Variants in DCN observed in about 807,000 individuals in gnomAD.
The protein encoded by DCN is decorin, also known as bone proteoglycan II.
In DCN, 17 loss-of-function variants were observed where a neutral mutation model predicts 36.5. The ratio of observed to expected loss-of-function variants is 0.47; its 90% CI spans 0.32 to 0.70. The LOEUF is 0.70. DCN is among the 30% of genes least tolerant of loss of function. DCN has a pLI of 0.04. For synonymous variants in DCN, 163 were observed against 161.4 expected (o/e 1.01, Z -0.07); for missense variants, 389 against 430.1 (o/e 0.90, Z 0.84).
At chr12:91,151,550 AAAAAAAACTT>A in intron 7 of DCN, 94 bp downstream of exon 7, 1 of 1,368,686 alleles carries the variant, frequency 7.3e-7, no homozygotes, top group Non-Finnish European at 1.0e-6. Context: ...GACACTCTGG[AAAAAAAACTT>A]CTAAGAAGAG....
At chr12:91,178,304 C>T in intron 2 of DCN, 38 bp downstream of exon 2, 1 of 1,561,554 alleles carries the variant, frequency 6.4e-7, no homozygotes, top group Non-Finnish European at 8.8e-7. Flanking sequence ...AAGAATAAAA[C>T]AAGTAAGGTA....
intron 2 of DCN, among the ~76,000 whole-genome samples, chr12:91,174,130 A>G (rs3138179): frequency 0.17 from 25,870 of 152,096 alleles, 3,880 homozygotes; most frequent in African/African-American, 0.4. Flanking sequence ...ATAGCCAAAT[A>G]CTTCATTGTT....
intron 2 of DCN, chr12:91,177,680 A>G (rs1239388028): frequency 1.4e-5 from 10 of 699,602 alleles, no homozygotes; most frequent in Admixed American, 1.4e-4. Flanking sequence ...AGATATATGT[A>G]ACACAATTAT....
intron 3 of DCN, among the ~76,000 whole-genome samples, chr12:91,161,459 A>G (rs1191437190): frequency 6.6e-6 from 1 of 152,348 alleles, no homozygotes; most frequent in East Asian, 1.9e-4. Context: ...AAATTTAATA[A>G]TATTCATTTT....
At chr12:91,154,626 A>C (rs760006190) in intron 5 of DCN, among the ~76,000 whole-genome samples, 7 of 152,278 alleles carry the variant, frequency 4.6e-5, no homozygotes, top group Admixed American at 2.0e-4. Flanking sequence ...TGTAAAGTGC[A>C]TCATTAGCTT....
chr12:91,174,833 A>T (rs1883190468), intron 2 of DCN, among the ~76,000 whole-genome samples: 1 of 152,140 alleles, frequency 6.6e-6, no homozygotes, highest in Non-Finnish European at 1.5e-5. Context: ...TTTGGAGACT[A>T]GTCAAAAGAC....
intron 4 of DCN, among the ~76,000 whole-genome samples, chr12:91,157,519 A>G (rs3138245): frequency 0.017 from 2,596 of 152,272 alleles, 70 homozygotes; most frequent in African/African-American, 0.058. Context: ...TACAATTCCC[A>G]TCTTACGTTA....
intron 7 of DCN, 69 bp from the exon 8 acceptor site, chr12:91,146,321 T>A (rs1184276530): frequency 1.0e-5 from 9 of 861,706 alleles, no homozygotes; most frequent in Non-Finnish European, 1.6e-5. Flanking sequence ...GGTAAACATT[T>A]TATTTTTTTT....
At position 91,162,953 on chromosome 12, in the gene DCN, C is replaced by G. The variant is rs3138229; in HGVS notation, c.324+1652G>C. Among the ~76,000 whole-genome samples, 832 of 152,290 alleles carry G rather than the reference C, an allele frequency of 5.5e-3. 3 individuals carry two copies. Among genetic ancestry groups the G allele is most frequent in the African/African-American group, 0.019 (803 of 41,562 alleles). On this transcript the variant is annotated intron_variant, in intron 3 of 7. Coordinates refer to ENST00000052754, the MANE Select transcript of DCN (RefSeq NM_001920.5). Reference sequence around the variant, plus strand: ...CCAGATTCTTTATCTCCATGGTCATCCTTCTCTAGATGTTCTTGAATGCCT... The same window carrying G: ...CCAGATTCTTTATCTCCATGGTCATGCTTCTCTAGATGTTCTTGAATGCCT...
chr12:91,158,509 C>T lies in DCN; in HGVS notation c.325G>A (p.Ala109Thr). 2 of 1,493,216 alleles carry T rather than the reference C, an allele frequency of 1.3e-6. No homozygotes were observed. Among genetic ancestry groups the T allele is most frequent in the Non-Finnish European group, 1.9e-6 (2 of 1,069,948 alleles). The allele number at this position is 1,493,216 out of a possible 1,614,324, so 92.5% of individuals were successfully genotyped here. Residue 109 changes from alanine to threonine, a missense_variant and splice_region_variant, in exon 4 of 8, where the codon GCA becomes ACA. Transcript: ENST00000052754. ...ATTTTATTGTTGACAAGAATCAATG[C>T]CTGTAGATAGTGAAGAAAAACATCT... Reference protein sequence around the residue: ...GDFKNLKNLHALILVNNKISK... With the variant: ...GDFKNLKNLHTLILVNNKISK...
In DCN at chr12:91,142,235, G is replaced by A. The variant is rs1880776369; in HGVS notation, c.*3823C>T. On this transcript the variant is annotated 3_prime_UTR_variant, in exon 8 of 8. Coordinates refer to ENST00000052754, the MANE Select transcript of DCN (RefSeq NM_001920.5). ...GTCGACTCAGCAACCTCGAATGTCT[G>A]TGCTGCAGGAGAGTCTGAAGGACAG... The A allele has an allele frequency of 6.6e-6, 1 of 152,206 alleles. No individual in the cohort carries two copies. The highest frequency in any genetic ancestry group is 1.5e-5 in the Non-Finnish European group (1 of 68,038). The allele number at this position is 152,206 out of a possible 1,614,324, so 9.4% of individuals were successfully genotyped here. A position where few individuals can be genotyped will look rare whatever the true frequency, so the allele number is the denominator to read the frequency against.
rs1417628618 is a variant in DCN, at chr12:91,141,831, T to A, written c.*4227A>T. 6.6e-6 allele frequency: 1 copy of A among 152,102 alleles called. No homozygotes were observed. 9.4% of individuals were successfully genotyped at this position (152,102 alleles called of 1,614,324 possible). A position where few individuals can be genotyped will look rare whatever the true frequency, so the allele number is the denominator to read the frequency against. On this transcript the variant is annotated 3_prime_UTR_variant, in exon 8 of 8. Transcript: ENST00000052754. ...CTCCTGATCTCCAATGCCTAAGTGA[T>A]TGATGGCAGTCATAATACTCAGGAG...
intron 5 of DCN, among the ~76,000 whole-genome samples, chr12:91,154,017 G>C (rs1474322647): frequency 6.6e-6 from 1 of 151,950 alleles, no homozygotes; most frequent in East Asian, 1.9e-4. Flanking sequence ...CCACTTAATA[G>C]CAATAGATAC....
chr12:91,178,776 A>G (rs1883452503), intron 1 of DCN, among the ~76,000 whole-genome samples, 191 bp from the exon 2 acceptor site: 1 of 152,186 alleles, frequency 6.6e-6, no homozygotes, highest in African/African-American at 2.4e-5. Context: ...TTGCACAGCT[A>G]TTTACTTAGG....
At chr12:91,157,496 A>C (rs936992771) in intron 4 of DCN, among the ~76,000 whole-genome samples, 1 of 152,216 alleles carries the variant, frequency 6.6e-6, no homozygotes, top group Non-Finnish European at 1.5e-5. Flanking sequence ...CCAGAAATCA[A>C]CTAAAGCAAG....
Position 91,142,701 on chromosome 12 carries a change from A to G in DCN, c.*3357T>C, listed in dbSNP as rs1425394311. 6 of 152,220 alleles carry G rather than the reference A, an allele frequency of 3.9e-5. No homozygotes were observed. Among genetic ancestry groups the G allele is most frequent in the Admixed American group, 3.3e-4 (5 of 15,282 alleles). The allele number at this position is 152,220 out of a possible 1,614,324, so 9.4% of individuals were successfully genotyped here. ...ATAAACTAAGATGGCTGTACTGAAGACAGAAAGTGGTATGGCCTAGGCTAG... is the reference window on the plus strand; with the variant it reads ...ATAAACTAAGATGGCTGTACTGAAGGCAGAAAGTGGTATGGCCTAGGCTAG... On this transcript the variant is annotated 3_prime_UTR_variant, in exon 8 of 8. Coordinates refer to ENST00000052754, the MANE Select transcript of DCN (RefSeq NM_001920.5).
At chr12:91,161,610 A>T (rs1486576130) in intron 3 of DCN, among the ~76,000 whole-genome samples, 1 of 152,178 alleles carries the variant, frequency 6.6e-6, no homozygotes, top group African/African-American at 2.4e-5. Flanking sequence ...TCATCAGCGG[A>T]AAGAGACCCA....
rs181262440 is a variant in DCN at position 91,173,291 on chromosome 12, A to C, written c.211+5051T>G. 2.4e-4 allele frequency among the ~76,000 whole-genome samples: 37 copies of C among 152,276 alleles called. 1 individual carries two copies. The East Asian group carries it at 6.8e-3, about 28-fold the overall frequency. The stretch of plus-strand genomic sequence containing the variant: ...ATGTTCTTCCAAAGGAAAATGAATC[A>C]CAGCTGCAATCTCACAAAATGCCTT... On this transcript the variant is annotated intron_variant, in intron 2 of 7. Transcript: ENST00000052754.
Position 91,145,093 on chromosome 12 carries a change from T to G in DCN, c.*965A>C, listed in dbSNP as rs887519112. 2.0e-5 allele frequency: 3 copies of G among 152,238 alleles called. No homozygotes were observed. The highest frequency in any genetic ancestry group is 7.2e-5 in the African/African-American group (3 of 41,464). 9.4% of individuals were successfully genotyped at this position (152,238 alleles called of 1,614,324 possible). ...TAGCACAAATGTACAATTTGATAAATGTTTACTGTAAGTAAATCATCCCCA... is the reference window on the plus strand; with the variant it reads ...TAGCACAAATGTACAATTTGATAAAGGTTTACTGTAAGTAAATCATCCCCA... On this transcript the variant is annotated 3_prime_UTR_variant, in exon 8 of 8. Coordinates refer to ENST00000052754, the MANE Select transcript of DCN (RefSeq NM_001920.5).
Sources: gnomAD v4.1 joint callset for allele counts (sites outside exome capture counted in the v4.1 genomes callset) on GRCh38, gnomAD v4.1.1 for gene constraint, MANE v1.5 for transcripts, NCBI Gene and HGNC (gene_info 2026-07-23, HGNC 2026-07-21) for gene names.